The following GALK2 variants were observed in gnomAD, a reference collection of about 807,000 sequenced individuals.
GALK2 encodes the protein galactokinase 2.
In GALK2, 36 loss-of-function variants were observed where a neutral mutation model predicts 52.4. The ratio of observed to expected loss-of-function variants is 0.69; its 90% CI spans 0.53 to 0.91. The LOEUF is 0.91. Among genes scored for constraint, GALK2 ranks in the 40% least tolerant of loss-of-function variants. The pLI is 0.00. For missense variants in GALK2, 579 were observed against 559.1 expected, an observed-to-expected ratio of 1.04 and a Z score of -0.36; for synonymous variants, 176 against 199.1, an observed-to-expected ratio of 0.88 and a Z score of 0.98.
At chr15:49,342,210 C>A (rs1198156555) in intron 3 of GALK2, among the ~76,000 whole-genome samples, 2 of 152,096 alleles carry the variant, frequency 1.3e-5, no homozygotes, top group East Asian at 3.9e-4. Context: ...TCTGGGTGAT[C>A]CAATGCTGGG....
Position 49,346,549 on chromosome 15 carries a change from C to A in GALK2, c.427-20942C>A, listed in dbSNP as rs2041533170. On this transcript the variant is annotated intron_variant, in intron 3 of 3. Coordinates refer to the GALK2 transcript ENST00000558399. ...AATAAATCTTTTCTCTTTTGCAAAA[C>A]CTGTGTCACAGTGATTGATTCACTG... Among the ~76,000 whole-genome samples, 3 of 152,078 alleles carry A rather than the reference C, an allele frequency of 2.0e-5. No individual in the cohort carries two copies. In the South Asian group the frequency reaches 6.2e-4, roughly 32 times the overall value.
chr15:49,286,284 G>A (rs563409714), intron 7 of GALK2, among the ~76,000 whole-genome samples: 65 of 152,282 alleles, frequency 4.3e-4, no homozygotes, highest in South Asian at 3.5e-3. Flanking sequence ...AGAGACACAG[G>A]ATAAACATTT....
chr15:49,366,489 T>A (rs1010407758), intron 3 of GALK2: 5 of 1,173,424 alleles, frequency 4.3e-6, no homozygotes, highest in Non-Finnish European at 6.4e-6. Context: ...GAAGTCAGAT[T>A]CATCAAACTA....
intron 5 of GALK2, among the ~76,000 whole-genome samples, chr15:49,265,261 G>A (rs1370443314): frequency 1.3e-5 from 2 of 152,180 alleles, no homozygotes; most frequent in Non-Finnish European, 2.9e-5. Context: ...TTTACCTAAG[G>A]AAGCCTGGGC....
chr15:49,351,792 G>A (rs1340181479), intron 3 of GALK2, among the ~76,000 whole-genome samples: 1 of 152,208 alleles, frequency 6.6e-6, no homozygotes, highest in Non-Finnish European at 1.5e-5. Flanking sequence ...TGACCCTTCA[G>A]AATTGTTCTG....
At chr15:49,356,359 C>A (rs1204534923) in intron 3 of GALK2, among the ~76,000 whole-genome samples, 1 of 150,044 alleles carries the variant, frequency 6.7e-6, no homozygotes, top group Non-Finnish European at 1.5e-5. Flanking sequence ...CAGAGACACA[C>A]ATAGGCTCAA....
rs140837067 is a variant in GALK2, at chr15:49,342,767, T to G, written c.426+22962T>G. 2.6e-5 allele frequency among the ~76,000 whole-genome samples: 4 copies of G among 152,296 alleles called. No homozygotes were observed. The East Asian group carries it at 7.7e-4, about 29-fold the overall frequency. On this transcript the variant is annotated intron_variant, in intron 3 of 3. Transcript: ENST00000558399. ...GTGCTTGCGTGTCTGGAAGATTTTA[T>G]TTCTCCTTGCTTATGAAGCTTAGTT...
intron 3 of GALK2, chr15:49,235,545 C>T (rs1170982588): frequency 4.0e-6 from 2 of 505,306 alleles, no homozygotes; most frequent in Non-Finnish European, 7.7e-6. Context: ...ATGTGGTTTA[C>T]ACCAGTTTAA....
chr15:49,158,344 T>C (rs892098100), intron 1 of GALK2, among the ~76,000 whole-genome samples: 2 of 152,238 alleles, frequency 1.3e-5, no homozygotes, highest in African/African-American at 4.8e-5. Context: ...TGTAAGCATG[T>C]CTTTGAATGT....
chr15:49,297,553 T>C (rs1011536696), intron 8 of GALK2, among the ~76,000 whole-genome samples: 2 of 152,216 alleles, frequency 1.3e-5, no homozygotes, highest in Non-Finnish European at 2.9e-5. Flanking sequence ...AGAATTTTTA[T>C]AGTTTTAAGT....
At chr15:49,157,372 A>G (rs1172208616) in intron 1 of GALK2, among the ~76,000 whole-genome samples, 2 of 152,222 alleles carry the variant, frequency 1.3e-5, no homozygotes, top group Admixed American at 6.5e-5. Context: ...AGAATCAATA[A>G]AATCTAATTA....
chr15:49,365,737 A>G, intron 3 of GALK2: 1 of 879,310 alleles, frequency 1.1e-6, no homozygotes, highest in Non-Finnish European at 1.9e-6. Flanking sequence ...GATATCTTGT[A>G]AAATCCAAGC....
chr15:49,308,476 CTTT>C (rs1312834779), intron 8 of GALK2, among the ~76,000 whole-genome samples: 3 of 152,150 alleles, frequency 2.0e-5, no homozygotes, highest in African/African-American at 4.8e-5. Context: ...CATATTTATT[CTTT>C]ATGATTAATT....
At chr15:49,264,172 C>T (rs1303058304) in intron 5 of GALK2, among the ~76,000 whole-genome samples, 2 of 151,760 alleles carry the variant, frequency 1.3e-5, no homozygotes, top group Admixed American at 6.6e-5. Flanking sequence ...TGTTTTCCAA[C>T]TTGGTTCCAT....
In GALK2 at chr15:49,183,076, G is replaced by C. The variant is rs535581219; in HGVS notation, c.53+12701G>C. ...AATCTTTGCTCAAACCAATGTCCTG[G>C]ATGTTTCCCCAATGTTTTTTGTTTA... On this transcript the variant is annotated intron_variant, in intron 1 of 9. Transcript: ENST00000560031. 8.2e-3 allele frequency among the ~76,000 whole-genome samples: 1,250 copies of C among 152,166 alleles called. 7 individuals carry two copies. The highest frequency in any genetic ancestry group is 0.014 in the Non-Finnish European group (950 of 67,976).
chr15:49,179,960 T>G (rs1364211736), intron 1 of GALK2, among the ~76,000 whole-genome samples: 2 of 152,168 alleles, frequency 1.3e-5, no homozygotes, highest in African/African-American at 4.8e-5. Context: ...ACACTTCAGT[T>G]CTTTCTGTTC....
At chr15:49,296,916 A>G (rs1262594565) in intron 8 of GALK2, among the ~76,000 whole-genome samples, 1 of 152,176 alleles carries the variant, frequency 6.6e-6, no homozygotes, top group Admixed American at 6.6e-5. Flanking sequence ...TCTTTTTGGT[A>G]GAATGATTTA....
intron 2 of GALK2, among the ~76,000 whole-genome samples, chr15:49,214,571 A>G (rs561909403): frequency 6.7e-6 from 1 of 149,688 alleles, no homozygotes; most frequent in Non-Finnish European, 1.5e-5. Context: ...TGATCTCCTG[A>G]CCTCGTGATC....
At chr15:49,357,742 C>A (rs2043424964) in intron 3 of GALK2, among the ~76,000 whole-genome samples, 1 of 152,046 alleles carries the variant, frequency 6.6e-6, no homozygotes. Context: ...ATTTATGAGG[C>A]CAGCATCATT....
Sources: allele counts gnomAD v4.1 joint callset (sites outside exome capture counted in the v4.1 genomes callset), GRCh38; gene constraint gnomAD v4.1.1; transcripts MANE v1.5; gene names NCBI Gene and HGNC (gene_info 2026-07-23, HGNC 2026-07-21).